Variants in LRRC4C observed in about 807,000 individuals in gnomAD.
The protein encoded by LRRC4C is leucine-rich repeat-containing protein 4C.
In LRRC4C, 5 loss-of-function variants were observed where a neutral mutation model predicts 33.6. The observed-to-expected ratio is 0.15, with a 90% CI of 0.08 to 0.31. The LOEUF (loss-of-function observed/expected upper bound fraction) is 0.31, where lower values mean the gene tolerates loss of function less well. LRRC4C is among the 10% of genes least tolerant of loss of function. LRRC4C has a pLI of 1.00. For synonymous variants in LRRC4C, 329 were observed against 302.0 expected (o/e 1.09, Z -0.93); for missense variants, 560 against 796.7 (o/e 0.70, Z 3.58).
chr11:40,740,600 T>A (rs1948110216), intron 2 of LRRC4C, among the ~76,000 whole-genome samples: 1 of 152,118 alleles, frequency 6.6e-6, no homozygotes, highest in African/African-American at 2.4e-5. Context: ...GTTGTCTCAT[T>A]TGTTATTTTC....
chr11:40,209,654 T>C (rs1297994036), intron 5 of LRRC4C, among the ~76,000 whole-genome samples: 1 of 152,146 alleles, frequency 6.6e-6, no homozygotes, highest in East Asian at 1.9e-4. Context: ...ACGATTCTCA[T>C]GCCTCAGCCT....
intron 3 of LRRC4C, among the ~76,000 whole-genome samples, chr11:40,633,381 T>TCTCTC (rs1278315951): frequency 0.01 from 705 of 68,242 alleles, 21 homozygotes; most frequent in African/African-American, 0.031. Context: ...TTCTCTCTCT[T>TCTCTC]TCTTTCTTTC....
chr11:41,418,658 C>T (rs1050545632), intron 1 of LRRC4C, among the ~76,000 whole-genome samples: 3 of 151,972 alleles, frequency 2.0e-5, no homozygotes, highest in South Asian at 4.1e-4. Context: ...ATGATAATAA[C>T]ATGTGAAAAA....
chr11:41,320,166 TAAATA>T (rs915191924), intron 1 of LRRC4C, among the ~76,000 whole-genome samples: 3 of 152,212 alleles, frequency 2.0e-5, no homozygotes, highest in African/African-American at 7.2e-5. Flanking sequence ...GCTAATACTC[TAAATA>T]AAATAAAAAT....
At chr11:41,144,140 C>T (rs1943630682) in intron 1 of LRRC4C, among the ~76,000 whole-genome samples, 1 of 152,076 alleles carries the variant, frequency 6.6e-6, no homozygotes, top group Non-Finnish European at 1.5e-5. Flanking sequence ...TGATGTTGAA[C>T]AAAAGTGAAT....
chr11:41,130,928 A>C (rs1942981834), intron 1 of LRRC4C, among the ~76,000 whole-genome samples: 1 of 152,062 alleles, frequency 6.6e-6, no homozygotes, highest in Non-Finnish European at 1.5e-5. Flanking sequence ...CTAAGTTTGC[A>C]TTTATAGAAG....
intron 1 of LRRC4C, among the ~76,000 whole-genome samples, chr11:41,309,479 CAG>C (rs1235988246): frequency 9.2e-5 from 14 of 152,260 alleles, no homozygotes; most frequent in Admixed American, 5.2e-4. Flanking sequence ...AATAGAGAAA[CAG>C]GGGTTATACC....
chr11:40,500,849 T>C (rs1954730493), intron 3 of LRRC4C, among the ~76,000 whole-genome samples: 2 of 152,094 alleles, frequency 1.3e-5, no homozygotes, highest in South Asian at 4.2e-4. Context: ...CCCAAAGTCT[T>C]AATTCACCTC....
chr11:40,192,351 A>G (rs971017199), intron 5 of LRRC4C, among the ~76,000 whole-genome samples: 9 of 152,166 alleles, frequency 5.9e-5, no homozygotes, highest in African/African-American at 2.2e-4. Flanking sequence ...CGCCTCACCC[A>G]GGAAGCACAA....
Position 40,296,038 on chromosome 11 carries a change from C to G in LRRC4C, c.-176+23590G>C, listed in dbSNP as rs137907246. Among the ~76,000 whole-genome samples, 16 of 152,198 alleles carry G rather than the reference C, an allele frequency of 1.1e-4. 1 individual carries two copies. In the East Asian group the frequency reaches 3.1e-3, roughly 29 times the overall value. On this transcript the variant is annotated intron_variant, in intron 4 of 6. Transcript: ENST00000528697. ...ATTTTCTTTTTAGGGATTTTGACAG[C>G]AAAGGAAGGCCAATGATTTGTTTTT...
chr11:40,248,642 G>A (rs1866529713), intron 4 of LRRC4C, among the ~76,000 whole-genome samples: 2 of 152,150 alleles, frequency 1.3e-5, no homozygotes, highest in Non-Finnish European at 2.9e-5. Context: ...GTTTGAGGCT[G>A]CAGTGAGCTA....
chr11:41,100,102 C>CA (rs1206242616), intron 1 of LRRC4C, among the ~76,000 whole-genome samples: 8 of 151,820 alleles, frequency 5.3e-5, no homozygotes, highest in Non-Finnish European at 1.0e-4. Flanking sequence ...ACAATTGCTA[C>CA]AAAAAACAAA....
intron 1 of LRRC4C, among the ~76,000 whole-genome samples, chr11:41,038,728 G>C (rs548421098): frequency 1.3e-5 from 2 of 152,170 alleles, no homozygotes; most frequent in African/African-American, 4.8e-5. Context: ...AGAAACATGT[G>C]CACACACATA....
chr11:41,170,407 A>T (rs1001432005), intron 1 of LRRC4C, among the ~76,000 whole-genome samples: 1 of 152,198 alleles, frequency 6.6e-6, no homozygotes, highest in Non-Finnish European at 1.5e-5. Context: ...CAAAACAGAG[A>T]TATAGACCAA....
chr11:41,380,292 T>A (rs951180907), intron 1 of LRRC4C, among the ~76,000 whole-genome samples: 2 of 152,166 alleles, frequency 1.3e-5, no homozygotes, highest in African/African-American at 4.8e-5. Flanking sequence ...AAGAATTGTA[T>A]CAAGAATCAC....
intron 1 of LRRC4C, among the ~76,000 whole-genome samples, chr11:41,420,917 T>G (rs1452625179): frequency 6.6e-6 from 1 of 152,016 alleles, no homozygotes; most frequent in Non-Finnish European, 1.5e-5. Flanking sequence ...AAAAAGGTAT[T>G]TCCTTGCTCA....
At position 40,786,021 on chromosome 11, in the gene LRRC4C, C is replaced by T. The variant is rs191563096; in HGVS notation, c.-406-137743G>A. 6.9e-4 allele frequency among the ~76,000 whole-genome samples: 105 copies of T among 152,146 alleles called. 1 individual carries two copies. In the East Asian group the frequency reaches 0.017, roughly 25 times the overall value. The stretch of plus-strand genomic sequence containing the variant: ...CAAATTATACATGAAAATTGGTGTC[C>T]TATTTTCTTTCCCATCATTTTTCTT... On this transcript the variant is annotated intron_variant, in intron 2 of 6. Coordinates refer to ENST00000528697, the MANE Select transcript of LRRC4C (RefSeq NM_001258419.2).
At chr11:40,348,410 A>G (rs1292846824) in intron 3 of LRRC4C, among the ~76,000 whole-genome samples, 1 of 152,188 alleles carries the variant, frequency 6.6e-6, no homozygotes, top group African/African-American at 2.4e-5. Context: ...TTACTTTTCC[A>G]GAGGTCCCAC....
In LRRC4C at chr11:41,448,122, G is replaced by GTTTTTTTTTT. The variant is rs71063918; in HGVS notation, c.-496+11299_-496+11308dup. On this transcript the variant is annotated intron_variant, in intron 1 of 6. Coordinates refer to ENST00000528697, the MANE Select transcript of LRRC4C (RefSeq NM_001258419.2). Reference sequence around the variant, plus strand: ...ACAAACGAGGCTGCTGCACACGTCTGTTTTTTTTTTTTTTTTTTTTGGAGC... The same window carrying GTTTTTTTTTT: ...ACAAACGAGGCTGCTGCACACGTCTGTTTTTTTTTTTTTTTTTTTTTTTTTTTTTTGGAGC... 8.3e-4 allele frequency among the ~76,000 whole-genome samples: 39 copies of GTTTTTTTTTT among 46,902 alleles called. 3 individuals are homozygous for GTTTTTTTTTT. The highest frequency in any genetic ancestry group is 1.8e-3 in the African/African-American group (23 of 12,914). 30.8% of individuals were successfully genotyped at this position (46,902 alleles called of 152,430 possible). A position where few individuals can be genotyped will look rare whatever the true frequency, so the allele number is the denominator to read the frequency against.
Sources: allele counts gnomAD v4.1 joint callset (sites outside exome capture counted in the v4.1 genomes callset), GRCh38; gene constraint gnomAD v4.1.1; transcripts MANE v1.5; gene names NCBI Gene and HGNC (gene_info 2026-07-23, HGNC 2026-07-21).